ACTR1B: variants seen among roughly 807,000 people sequenced by gnomAD.
The protein encoded by ACTR1B is beta-centractin.
ACTR1B carries 34 observed loss-of-function variants against 49.4 expected under a neutral mutation model. The ratio of observed to expected loss-of-function variants is 0.69; its 90% confidence interval spans 0.52 to 0.92. The LOEUF is 0.92. Ranked by LOEUF, ACTR1B falls within the 40% of genes least tolerant of loss-of-function variation. The pLI is 0.00. For missense variants in ACTR1B, 471 were observed against 522.4 expected (o/e 0.90, Z 0.96); for synonymous variants, 207 against 207.8 (o/e 1.00, Z 0.03).
chr2:97,657,656 C>G, intron 8 of ACTR1B, 147 bp from the exon 9 acceptor site: 3 of 941,974 alleles, frequency 3.2e-6, no homozygotes, highest in South Asian at 2.9e-5. Flanking sequence ...AGAAATGATC[C>G]AGCCCCATGG....
rs752478833 is a variant in ACTR1B, at chr2:97,658,435, T to C, written c.649A>G (p.Ile217Val). The C allele has an allele frequency of 1.2e-6, 2 of 1,614,046 alleles. No individual in the cohort carries two copies. Among genetic ancestry groups the C allele is most frequent in the Middle Eastern group, 1.7e-4 (1 of 6,060 alleles). The change falls in exon 6 of 11, where the codon ATC (isoleucine) becomes GTC (valine). Residue 217 changes from isoleucine to valine, a missense_variant. By Grantham distance (29) the Ile-to-Val change is conservative. Transcript: ENST00000289228. The surrounding 1 kb of genome is among the most constrained non-coding windows in gnomAD (Gnocchi z 5.9). Reference protein sequence around the residue: ...TSAEFEVVRTIKERACYLSIN... With the variant: ...TSAEFEVVRTVKERACYLSIN... ...CTCTCGCCCCTTGTCACCTCTTTGA[T>C]TGTCCGGACAACCTCAAACTCAGCC...
intron 8 of ACTR1B, 80 bp downstream of exon 8, chr2:97,657,863 C>T: frequency 6.6e-7 from 1 of 1,505,378 alleles, no homozygotes; most frequent in South Asian, 1.3e-5. Context: ...CAGAATATGG[C>T]TCTGGGTAGG....
rs763303365 is a variant in ACTR1B, at chr2:97,656,950, G to A, written c.1039C>T (p.Leu347=). ...TTCTTAAAAGTGTCCAGCGAGGCCA[G>A]GATGGAGCCGCTGTGGGGATGGAGG... ...LYSTWIGGSI[L]ASLDTFKKMW... Residue 347 remains leucine, a synonymous_variant, in exon 11 of 11, where the codon CTG becomes TTG. Transcript: ENST00000289228. The A allele has an allele frequency of 6.9e-6, 11 of 1,593,714 alleles. No homozygotes were observed. Among genetic ancestry groups the A allele is most frequent in the East Asian group, 2.3e-5 (1 of 44,298 alleles).
Position 97,656,553 on chromosome 2 carries a change from G to A in ACTR1B, c.*305C>T, listed in dbSNP as rs1674847510. On this transcript the variant is annotated 3_prime_UTR_variant, in exon 11 of 11. Transcript: ENST00000289228. ...CCCTGGAGCTCAGGGAGGCAGCCCTGAGAGTCGGAGCAGGGAACCACAGGC... is the reference window on the plus strand; with the variant it reads ...CCCTGGAGCTCAGGGAGGCAGCCCTAAGAGTCGGAGCAGGGAACCACAGGC... 3 of 326,272 alleles carry A rather than the reference G, an allele frequency of 9.2e-6. No individual in the cohort carries two copies. The highest frequency in any genetic ancestry group is 1.7e-5 in the Non-Finnish European group (3 of 173,610). The allele number at this position is 326,272 out of a possible 1,614,324, so 20.2% of individuals were successfully genotyped here.
chr2:97,657,894 A>G (rs1674884833), intron 8 of ACTR1B, 49 bp downstream of exon 8: 3 of 1,596,512 alleles, frequency 1.9e-6, no homozygotes, highest in East Asian at 2.2e-5. Flanking sequence ...CTGAGGGTCC[A>G]GCTGCCCTGG....
intron 1 of ACTR1B, among the ~76,000 whole-genome samples, chr2:97,663,412 G>A (rs1262857467): frequency 6.6e-6 from 1 of 152,218 alleles, no homozygotes; most frequent in East Asian, 1.9e-4. Context: ...CAGCCCCAAA[G>A]ATAAAGCCAG....
intron 8 of ACTR1B, 81 bp from the exon 9 acceptor site, chr2:97,657,590 C>T (rs1484443071): frequency 7.2e-7 from 1 of 1,387,814 alleles, no homozygotes; most frequent in Non-Finnish European, 1.0e-6. Context: ...CTTCAGGGCC[C>T]CCAGCTACTG....
chr2:97,659,785 A>C lies in ACTR1B; in HGVS notation c.190-308T>G. The C allele has an allele frequency of 2.3e-6, 1 of 434,246 alleles. No homozygotes were observed. The highest frequency in any genetic ancestry group is 4.2e-6 in the Non-Finnish European group (1 of 238,434). The allele number at this position is 434,246 out of a possible 1,614,324, so 26.9% of individuals were successfully genotyped here. A position where few individuals can be genotyped will look rare whatever the true frequency, so the allele number is the denominator to read the frequency against. On this transcript the variant is annotated intron_variant, in intron 3 of 10. Transcript: ENST00000289228. This position sits in a 1 kb window ranked among gnomAD's most constrained non-coding sequence, Gnocchi z 4.0. ...TTCTCACTGCCGGCACATCCCCCACATTCTCCTCACACTCTGCCAGCTCCC... is the reference window on the plus strand; with the variant it reads ...TTCTCACTGCCGGCACATCCCCCACCTTCTCCTCACACTCTGCCAGCTCCC...
rs934819358 is a variant in ACTR1B at position 97,657,869 on chromosome 2, G to A, written c.925+74C>T. ...AAAAGCCAACAGAATATGGCTCTGG[G>A]TAGGGGTATACTCTCTGAGGGTCCA... On this transcript the variant is annotated intron_variant, in intron 8 of 10. Coordinates refer to ENST00000289228, the MANE Select transcript of ACTR1B (RefSeq NM_005735.4). 4 of 1,533,038 alleles carry A rather than the reference G, an allele frequency of 2.6e-6. No individual in the cohort carries two copies. In the African/African-American group the frequency reaches 5.5e-5, roughly 21 times the overall value. 95.0% of individuals were successfully genotyped at this position (1,533,038 alleles called of 1,614,324 possible). A position where few individuals can be genotyped will look rare whatever the true frequency, so the allele number is the denominator to read the frequency against.
At position 97,659,129 on chromosome 2, in the gene ACTR1B, C is replaced by G. The variant is rs963917175; in HGVS notation, c.316-126G>C. ...AGCCTCCTACCCCTCCTGAGGGCCC[C>G]ATCCCTTTATCTGCTGGCAGTTACT... On this transcript the variant is annotated intron_variant, in intron 4 of 10. Transcript: ENST00000289228. The surrounding 1 kb of genome is among the most constrained non-coding windows in gnomAD (Gnocchi z 4.0). 1 of 1,496,758 alleles carries G rather than the reference C, an allele frequency of 6.7e-7. No individual in the cohort carries two copies. Among genetic ancestry groups the G allele is most frequent in the Non-Finnish European group, 9.1e-7 (1 of 1,096,546 alleles). The allele number at this position is 1,496,758 out of a possible 1,614,324, so 92.7% of individuals were successfully genotyped here. A position where few individuals can be genotyped will look rare whatever the true frequency, so the allele number is the denominator to read the frequency against.
Position 97,656,858 on chromosome 2 carries a change from C to T in ACTR1B, c.1131G>A (p.Ter377=). The T allele has an allele frequency of 6.3e-7, 1 of 1,577,244 alleles. No homozygotes were observed. Among genetic ancestry groups the T allele is most frequent in the Non-Finnish European group, 8.6e-7 (1 of 1,160,502 alleles). Residue 377 remains the stop codon, a stop_retained_variant, in exon 11 of 11, where the codon TAG becomes TAA. Coordinates refer to ENST00000289228, the MANE Select transcript of ACTR1B (RefSeq NM_005735.4). ...CAACATGCCCCGCCCTCCTTGGGCA[C>T]TAGAAAGTTTTGCGATGAATAGCAC... ...GSRAIHRKTF[*] is the part of the protein sequence containing the mutation.
At chr2:97,657,296 C>A in intron 9 of ACTR1B, 104 bp from the exon 10 acceptor site, 2 of 1,536,210 alleles carry the variant, frequency 1.3e-6, no homozygotes, top group Non-Finnish European at 1.8e-6. Context: ...ACAGCAAAGG[C>A]ATAAGCTGGG....
intron 2 of ACTR1B, 78 bp from the exon 3 acceptor site, chr2:97,660,724 A>G (rs960440645): frequency 9.9e-6 from 14 of 1,418,150 alleles, no homozygotes; most frequent in African/African-American, 2.8e-5. Flanking sequence ...AAATCCAACC[A>G]TAGTCGCCCA....
chr2:97,659,165 T>A lies in ACTR1B; in HGVS notation c.316-162A>T, dbSNP rs1404915425. On this transcript the variant is annotated intron_variant, in intron 4 of 10. Coordinates refer to ENST00000289228, the MANE Select transcript of ACTR1B (RefSeq NM_005735.4). The surrounding 1 kb of genome is among the most constrained non-coding windows in gnomAD (Gnocchi z 4.0). ...CTGCTGGCAGTTACTCTTCCGGAGA[T>A]CCGGCTCTCTTTGGAAGATTCTGCC... is the stretch of plus-strand genomic sequence containing the variant. 6.6e-6 allele frequency among the ~76,000 whole-genome samples: 1 copy of A among 152,170 alleles called. No homozygotes were observed. Among genetic ancestry groups the A allele is most frequent in the African/African-American group, 2.4e-5 (1 of 41,448 alleles).
At position 97,657,495 on chromosome 2, in the gene ACTR1B, A is replaced by T. The variant is rs1217952430; in HGVS notation, c.940T>A (p.Leu314Ile). 1 of 1,614,190 alleles carries T rather than the reference A, an allele frequency of 6.2e-7. No homozygotes were observed. Among genetic ancestry groups the T allele is most frequent in the Admixed American group, 1.7e-5 (1 of 60,024 alleles). Residue 314 changes from leucine to isoleucine, a missense_variant, in exon 9 of 11, where the codon TTA becomes ATA. Physicochemically the swap from Leu to Ile is conservative, Grantham distance 5. Coordinates refer to ENST00000289228, the MANE Select transcript of ACTR1B (RefSeq NM_005735.4). ...GCAAGCTTCTTCACTTCACTGAGTA[A>T]TCGGTCTCCGAAGCCTGTGAACACA... The part of the protein sequence containing the change: ...STLFKGFGDR[L>I]LSEVKKLAPK...
chr2:97,661,199 A>G (rs1675004074), intron 2 of ACTR1B, among the ~76,000 whole-genome samples: 1 of 152,252 alleles, frequency 6.6e-6, no homozygotes, highest in South Asian at 2.1e-4. Context: ...GGAATGCTGA[A>G]GCTCGACAGG....
Position 97,659,931 on chromosome 2 carries a change from A to C in ACTR1B, c.190-454T>G. The C allele has an allele frequency of 5.2e-6, 1 of 193,948 alleles. No homozygotes were observed. Among genetic ancestry groups the C allele is most frequent in the Non-Finnish European group, 1.0e-5 (1 of 99,622 alleles). 12.0% of individuals were successfully genotyped at this position (193,948 alleles called of 1,614,324 possible). A position where few individuals can be genotyped will look rare whatever the true frequency, so the allele number is the denominator to read the frequency against. On this transcript the variant is annotated intron_variant, in intron 3 of 10. Transcript: ENST00000289228. This position sits in a 1 kb window ranked among gnomAD's most constrained non-coding sequence, Gnocchi z 4.0. ...CGGTCCTCACCAGTCCCCTGTTTGCACTGACATGCTGCCTCCACCTGCCCT... is the reference window on the plus strand; with the variant it reads ...CGGTCCTCACCAGTCCCCTGTTTGCCCTGACATGCTGCCTCCACCTGCCCT...
intron 1 of ACTR1B, among the ~76,000 whole-genome samples, chr2:97,663,619 G>C (rs1473332011): frequency 1.3e-5 from 2 of 151,954 alleles, no homozygotes; most frequent in East Asian, 3.9e-4. Context: ...TCGGGGAGGG[G>C]TCGGGGAAGA....
rs774432941 is a variant in ACTR1B, at chr2:97,658,674, G to C, written c.441-31C>G. 1 of 1,611,004 alleles carries C rather than the reference G, an allele frequency of 6.2e-7. No individual in the cohort carries two copies. Among genetic ancestry groups the C allele is most frequent in the African/African-American group, 1.3e-5 (1 of 74,862 alleles). On this transcript the variant is annotated intron_variant, in intron 5 of 10. Coordinates refer to ENST00000289228, the MANE Select transcript of ACTR1B (RefSeq NM_005735.4). This position sits in a 1 kb window ranked among gnomAD's most constrained non-coding sequence, Gnocchi z 5.9. ...ACCAGGTCAGCATCCCCTCACCTCAGCCACTGAGGCACGGGGACCTCCTCA... is the reference window on the plus strand; with the variant it reads ...ACCAGGTCAGCATCCCCTCACCTCACCCACTGAGGCACGGGGACCTCCTCA...
Sources: allele counts gnomAD v4.1 joint callset (sites outside exome capture counted in the v4.1 genomes callset), GRCh38; gene constraint gnomAD v4.1.1; non-coding constraint Gnocchi (gnomAD v3.1); transcripts MANE v1.5; gene names NCBI Gene and HGNC (gene_info 2026-07-23, HGNC 2026-07-21).